Variants in ADAM10 observed in about 807,000 individuals in gnomAD.
ADAM10 encodes the protein ADAM metallopeptidase domain 10, also known as disintegrin and metalloproteinase domain-containing protein 10.
A neutral mutation model predicts 90.1 loss-of-function variants in ADAM10; 17 were observed. That is an observed-to-expected ratio of 0.19 (90% confidence interval 0.13 to 0.28). ADAM10 has a LOEUF of 0.28. ADAM10 is among the 10% of genes least tolerant of loss of function. ADAM10 has a pLI of 1.00. For synonymous variants in ADAM10, 310 were observed against 298.6 expected (o/e 1.04, Z -0.40); for missense variants, 610 against 914.3 (o/e 0.67, Z 4.29).
intron 4 of ADAM10, among the ~76,000 whole-genome samples, chr15:58,678,016 C>T (rs560555996): frequency 2.0e-5 from 3 of 152,134 alleles, no homozygotes; most frequent in South Asian, 2.1e-4. Context: ...AATTCATATT[C>T]CTACTTATGA....
intron 2 of ADAM10, among the ~76,000 whole-genome samples, chr15:58,705,202 C>T (rs1204819931): frequency 1.3e-5 from 2 of 152,128 alleles, no homozygotes; most frequent in Admixed American, 1.3e-4. Context: ...TTATAATATA[C>T]TACACCGTCA....
chr15:58,701,022 C>CGA lies in ADAM10; in HGVS notation c.206+16554_206+16555insTC, dbSNP rs1555419975. Among the ~76,000 whole-genome samples the CGA allele has an allele frequency of 3.1e-3, 217 of 70,926 alleles. 2 individuals carry two copies. The highest frequency in any genetic ancestry group is 7.5e-3 in the African/African-American group (206 of 27,354). The allele number at this position is 70,926 out of a possible 152,430, so 46.5% of individuals were successfully genotyped here. A position where few individuals can be genotyped will look rare whatever the true frequency, so the allele number is the denominator to read the frequency against. ...TCCAACTTAAAAAAAAACAAAAAAACAAAAAAAAAAAAACAGGGCAGAATT... is the reference window on the plus strand; with the variant it reads ...TCCAACTTAAAAAAAAACAAAAAAACGAAAAAAAAAAAAAACAGGGCAGAATT... On this transcript the variant is annotated intron_variant, in intron 2 of 15. Coordinates refer to ENST00000260408, the MANE Select transcript of ADAM10 (RefSeq NM_001110.4).
chr15:58,672,783 CAGCAAAA>C (rs753982178), intron 4 of ADAM10: 1 of 54,870 alleles, frequency 1.8e-5, no homozygotes, highest in African/African-American at 1.3e-4. Context: ...AGGCCTCATG[CAGCAAAA>C]AAAAAAAAAA....
chr15:58,726,297 T>A (rs368379553), intron 1 of ADAM10, among the ~76,000 whole-genome samples: 1 of 151,694 alleles, frequency 6.6e-6, no homozygotes, highest in Non-Finnish European at 1.5e-5. Flanking sequence ...AGAGATAAAA[T>A]TGAATCATTT....
intron 10 of ADAM10, among the ~76,000 whole-genome samples, chr15:58,623,190 A>G (rs905797826): frequency 6.6e-6 from 1 of 152,248 alleles, no homozygotes; most frequent in African/African-American, 2.4e-5. Flanking sequence ...ATGGTAAATT[A>G]TCTTCCTTTA....
rs2140977789 is a variant in ADAM10 at position 58,589,487 on chromosome 15, T to TTAC, written c.*8059_*8060insGTA. 1 of 152,344 alleles carries TTAC rather than the reference T, an allele frequency of 6.6e-6. No individual in the cohort carries two copies. 9.4% of individuals were successfully genotyped at this position (152,344 alleles called of 1,614,324 possible). On this transcript the variant is annotated 3_prime_UTR_variant, in exon 16 of 16. Transcript: ENST00000260408. ...TCTGAGCTACCAGGGCATCCTGTGT[T>TTAC]TGTAGAGTTTCCAACACAAACCCCT...
chr15:58,619,354 G>C (rs1313522560), intron 11 of ADAM10, among the ~76,000 whole-genome samples: 1 of 152,170 alleles, frequency 6.6e-6, no homozygotes, highest in African/African-American at 2.4e-5. Context: ...TGGATAAAGA[G>C]AGATTGGTTA....
intron 2 of ADAM10, among the ~76,000 whole-genome samples, chr15:58,687,080 A>C (rs1306471637): frequency 7.9e-5 from 12 of 152,222 alleles, no homozygotes. Context: ...TTTCTCATGA[A>C]TTTACAATTC....
chr15:58,696,019 G>A (rs1003468696), intron 2 of ADAM10, among the ~76,000 whole-genome samples: 20 of 152,094 alleles, frequency 1.3e-4, no homozygotes, highest in African/African-American at 2.9e-4. Flanking sequence ...GGGAAGCTGC[G>A]GCAGGAGAAT....
intron 2 of ADAM10, among the ~76,000 whole-genome samples, chr15:58,693,923 AAAG>A (rs1175224044): frequency 3.9e-5 from 6 of 152,246 alleles, no homozygotes; most frequent in African/African-American, 1.4e-4. Context: ...AATACTTCAC[AAAG>A]AAGATACACA....
At chr15:58,720,670 G>C (rs559922631) in intron 1 of ADAM10, among the ~76,000 whole-genome samples, 1 of 149,880 alleles carries the variant, frequency 6.7e-6, no homozygotes. Flanking sequence ...CAAAGTGCTG[G>C]GATTACAGGC....
At chr15:58,697,891 T>G (rs1898021715) in intron 2 of ADAM10, among the ~76,000 whole-genome samples, 1 of 152,106 alleles carries the variant, frequency 6.6e-6, no homozygotes, top group Non-Finnish European at 1.5e-5. Context: ...CCTACATCAC[T>G]GAGAAAATCA....
intron 13 of ADAM10, 54 bp downstream of exon 13, chr15:58,610,945 A>G: frequency 1.5e-6 from 2 of 1,347,038 alleles, no homozygotes; most frequent in East Asian, 4.6e-5. Context: ...AAAATTTAGG[A>G]GAAAATAATA....
chr15:58,611,038 C>G lies in ADAM10; in HGVS notation c.1765G>C (p.Asp589His), dbSNP rs777669390. The G allele has an allele frequency of 1.2e-6, 2 of 1,613,818 alleles. No individual in the cohort carries two copies. The highest frequency in any genetic ancestry group is 4.5e-5 in the East Asian group (2 of 44,834). ...CATACATGGCATAATTCTTTATCAT[C>G]TTTGCCATCAGAACTGGCACACGTA... is the stretch of plus-strand genomic sequence containing the variant. ...ECTCASSDGK[D>H]DKELCHVCCM... The change falls in exon 13 of 16, where the codon GAT becomes CAT. Residue 589 changes from aspartate (D) to histidine (H), a missense_variant. Around this residue, in one of 4 missense-constraint regions of ADAM10, gnomAD observed 150 missense variants for 268.5 expected, o/e 0.56. Transcript: ENST00000260408.
chr15:58,696,496 C>A (rs1897984262), intron 2 of ADAM10, among the ~76,000 whole-genome samples: 1 of 147,152 alleles, frequency 6.8e-6, no homozygotes, highest in Non-Finnish European at 1.5e-5. Context: ...ATGAGTCTCA[C>A]TCTCTCTCGC....
intron 8 of ADAM10, among the ~76,000 whole-genome samples, chr15:58,636,209 G>A (rs1318121335): frequency 2.6e-5 from 4 of 151,936 alleles, no homozygotes; most frequent in Non-Finnish European, 4.4e-5. Context: ...CCCAGGAGGC[G>A]GGGGTTGCCA....
Position 58,647,248 on chromosome 15 carries a change from A to C in ADAM10, c.586-1044T>G, listed in dbSNP as rs374995596. On this transcript the variant is annotated intron_variant, in intron 5 of 15. Transcript: ENST00000260408. ...TGGCAGCAAAGAGTAGACACTAAGTATTTTTTTTTTTTTTTTTTTTTTTTT... is the reference window on the plus strand; with the variant it reads ...TGGCAGCAAAGAGTAGACACTAAGTCTTTTTTTTTTTTTTTTTTTTTTTTT... 9.1e-4 allele frequency among the ~76,000 whole-genome samples: 54 copies of C among 59,604 alleles called. 1 individual carries two copies. The highest frequency in any genetic ancestry group is 2.8e-3 in the African/African-American group (52 of 18,648). The allele number at this position is 59,604 out of a possible 152,430, so 39.1% of individuals were successfully genotyped here. A position where few individuals can be genotyped will look rare whatever the true frequency, so the allele number is the denominator to read the frequency against.
At chr15:58,685,845 C>G (rs186427523) in intron 2 of ADAM10, among the ~76,000 whole-genome samples, 10 of 151,982 alleles carry the variant, frequency 6.6e-5, no homozygotes, top group Admixed American at 6.5e-4. Context: ...TCTTAAGACA[C>G]AAAACAAAAA....
intron 1 of ADAM10, among the ~76,000 whole-genome samples, chr15:58,735,647 C>T (rs950112136): frequency 6.6e-6 from 1 of 152,158 alleles, no homozygotes; most frequent in Non-Finnish European, 1.5e-5. Context: ...AAAGTCTGTA[C>T]ATGTTAAGTA....
Sources: gnomAD v4.1 joint callset for allele counts (sites outside exome capture counted in the v4.1 genomes callset) on GRCh38, gnomAD v4.1.1 for gene constraint, gnomAD v4.1.1 regional missense constraint, MANE v1.5 for transcripts, NCBI Gene and HGNC (gene_info 2026-07-23, HGNC 2026-07-21) for gene names.